The following SCN11A variants were observed in gnomAD, a reference collection of about 807,000 sequenced individuals.
SCN11A encodes the protein sodium voltage-gated channel alpha subunit 11, also known as sodium channel protein type 11 subunit alpha.
A neutral mutation model predicts 162.2 loss-of-function variants in SCN11A; 122 were observed. That is an observed-to-expected ratio of 0.75 (90% CI 0.65 to 0.87). The LOEUF is 0.87. Among genes scored for constraint, SCN11A ranks in the 40% least tolerant of loss-of-function variants. SCN11A has a pLI of 0.00. For missense variants in SCN11A, 2,015 were observed against 2,181.6 expected, an observed-to-expected ratio of 0.92 and a Z score of 1.52; for synonymous variants, 758 against 751.5, an observed-to-expected ratio of 1.01 and a Z score of -0.14.
chr3:39,030,906 C>T (rs148901198), intron 2 of SCN11A, among the ~76,000 whole-genome samples: 50 of 152,246 alleles, frequency 3.3e-4, no homozygotes, highest in African/African-American at 1.2e-3. Context: ...GACTTTTCAT[C>T]AGTAGGGATT....
chr3:38,928,233 A>G (rs559621018), intron 7 of SCN11A, among the ~76,000 whole-genome samples: 10 of 152,222 alleles, frequency 6.6e-5, no homozygotes, highest in Non-Finnish European at 1.0e-4. Context: ...CATATACCTA[A>G]CAAGGGGTTA....
rs201887209 is a variant in SCN11A, at chr3:38,926,928, A to G, written c.492T>C (p.Cys164=). The change falls in exon 8 of 30, where the codon TGT becomes TGC. Residue 164 remains cysteine, a synonymous_variant. Coordinates refer to ENST00000302328, the MANE Select transcript of SCN11A (RefSeq NM_001349253.2). ...CAAAAATATAAATCCCAGTGAAGAC[A>G]CACCTAAAAAGCAAATCATTTACAA... ...SNSNNTDIAE[C]VFTGIYIFEA... 1.9e-6 allele frequency: 3 copies of G among 1,611,654 alleles called. No homozygotes were observed. Among genetic ancestry groups the G allele is most frequent in the East Asian group, 2.2e-5 (1 of 44,894 alleles).
At chr3:39,039,461 C>G (rs562168287) in intron 1 of SCN11A, among the ~76,000 whole-genome samples, 2 of 130,834 alleles carry the variant, frequency 1.5e-5, no homozygotes, top group South Asian at 4.4e-4. Flanking sequence ...TGAAGTACAT[C>G]CTGCCCCAGG....
At chr3:38,961,594 G>A (rs2066741299) in intron 2 of SCN11A, among the ~76,000 whole-genome samples, 1 of 152,228 alleles carries the variant, frequency 6.6e-6, no homozygotes, top group South Asian at 2.1e-4. Context: ...GAGGTACTTA[G>A]AGTTAATAAG....
chr3:38,882,433 G>A (rs2065324703), intron 22 of SCN11A, among the ~76,000 whole-genome samples: 1 of 152,144 alleles, frequency 6.6e-6, no homozygotes, highest in Non-Finnish European at 1.5e-5. Flanking sequence ...ACTTTGTTAT[G>A]TCAAACAGTA....
Position 38,950,275 on chromosome 3 carries a change from G to C in SCN11A, c.88C>G (p.Arg30Gly), listed in dbSNP as rs761199291. Residue 30 changes from arginine (R) to glycine (G), a missense_variant, in exon 5 of 30, where the codon CGG becomes GGG. By Grantham distance (125) the Arg-to-Gly change is moderately radical. Coordinates refer to ENST00000302328, the MANE Select transcript of SCN11A (RefSeq NM_001349253.2). ...TSDSLAAIEK[R>G]IAIQKEKKKS... ...TTTTTCTCCTTTTGGATGGCAATCC[G>C]CTTCTCAATTGCAGCCAGAGAGTCG... The C allele has an allele frequency of 1.9e-5, 31 of 1,613,958 alleles. No individual in the cohort carries two copies. Among genetic ancestry groups the C allele is most frequent in the Non-Finnish European group, 2.5e-5 (30 of 1,179,972 alleles).
At chr3:38,875,201 T>A (rs924053971) in intron 23 of SCN11A, among the ~76,000 whole-genome samples, 2 of 152,178 alleles carry the variant, frequency 1.3e-5, no homozygotes, top group African/African-American at 4.8e-5. Flanking sequence ...TAAACCACAT[T>A]TGTTGAGTGC....
intron 29 of SCN11A, among the ~76,000 whole-genome samples, chr3:38,847,985 G>A (rs1016003520): frequency 1.3e-5 from 2 of 152,138 alleles, no homozygotes; most frequent in African/African-American, 4.8e-5. Flanking sequence ...TTTAAATACA[G>A]CCCTACTACA....
intron 28 of SCN11A, among the ~76,000 whole-genome samples, chr3:38,859,733 G>C (rs887167645): frequency 6.6e-6 from 1 of 152,126 alleles, no homozygotes; most frequent in Middle Eastern, 3.2e-3. Flanking sequence ...CCTGGGCATA[G>C]GCTGAACTAA....
At chr3:39,027,016 A>G (rs2031605716) in intron 2 of SCN11A, among the ~76,000 whole-genome samples, 1 of 152,104 alleles carries the variant, frequency 6.6e-6, no homozygotes. Flanking sequence ...TAACTTTCCT[A>G]GACAACTTCT....
At chr3:38,854,045 GTAC>G (rs1236514485) in intron 28 of SCN11A, among the ~76,000 whole-genome samples, 1 of 151,962 alleles carries the variant, frequency 6.6e-6, no homozygotes, top group Non-Finnish European at 1.5e-5. Context: ...ATCTGTTATT[GTAC>G]AGCCCATGAG....
At chr3:38,945,570 G>A (rs2066504664) in intron 6 of SCN11A, 58 bp from the exon 7 acceptor site, 1 of 1,201,974 alleles carries the variant, frequency 8.3e-7, no homozygotes, top group Admixed American at 2.5e-5. Context: ...ATTAGCTACT[G>A]GGTAAGACTG....
At chr3:38,902,782 G>A (rs150237717) in intron 16 of SCN11A, among the ~76,000 whole-genome samples, 1 of 151,662 alleles carries the variant, frequency 6.6e-6, no homozygotes, top group African/African-American at 2.4e-5. Flanking sequence ...CTCCCAAAGT[G>A]TTGGGATTAC....
At chr3:38,910,323 G>T in intron 11 of SCN11A, 116 bp from the exon 12 acceptor site, 2 of 998,884 alleles carry the variant, frequency 2.0e-6, no homozygotes, top group Non-Finnish European at 1.5e-6. Flanking sequence ...AGCCCTAGAG[G>T]AAGGGAGTAT....
Position 38,846,339 on chromosome 3 carries a change from C to G in SCN11A, c.*355G>C, listed in dbSNP as rs1169915934. 4.8e-6 allele frequency: 1 copy of G among 209,454 alleles called. No individual in the cohort carries two copies. The highest frequency in any genetic ancestry group is 2.3e-5 in the African/African-American group (1 of 43,974). 13.0% of individuals were successfully genotyped at this position (209,454 alleles called of 1,614,324 possible). ...ATGTTGGCCAGGATGGTCTCGATCT[C>G]TTGACCTCGTGATCCACCTGCCTTG... On this transcript the variant is annotated 3_prime_UTR_variant, in exon 30 of 30. Transcript: ENST00000302328.
rs544615029 is a variant in SCN11A, at chr3:39,042,949, C to G, written c.-404+8912G>C. Among the ~76,000 whole-genome samples the G allele has an allele frequency of 2.3e-3, 224 of 99,240 alleles. 2 individuals carry two copies. The highest frequency in any genetic ancestry group is 0.011 in the African/African-American group (201 of 18,744). 65.1% of individuals were successfully genotyped at this position (99,240 alleles called of 152,430 possible). On this transcript the variant is annotated intron_variant, in intron 1 of 29. Coordinates refer to ENST00000302328, the MANE Select transcript of SCN11A (RefSeq NM_001349253.2). ...TCTAGCCTGGGCAACAAGAGCGAAA[C>G]TCCATCTCAAAAAAAAAAAAAAAAA...
intron 2 of SCN11A, among the ~76,000 whole-genome samples, chr3:38,984,388 C>T (rs893046177): frequency 1.3e-5 from 2 of 152,178 alleles, no homozygotes; most frequent in South Asian, 2.1e-4. Flanking sequence ...CTGTTGTTTG[C>T]AACCCAAGAA....
chr3:38,967,419 G>A (rs1342585177), intron 2 of SCN11A, among the ~76,000 whole-genome samples: 2 of 152,198 alleles, frequency 1.3e-5, no homozygotes, highest in African/African-American at 2.4e-5. Flanking sequence ...TTCCACGTGG[G>A]GAGCATCTGA....
intron 28 of SCN11A, among the ~76,000 whole-genome samples, chr3:38,853,668 G>C (rs2064820493): frequency 6.6e-6 from 1 of 152,144 alleles, no homozygotes; most frequent in African/African-American, 2.4e-5. Context: ...GAGAATAGCA[G>C]TAAGTAGACT....
Sources: gnomAD v4.1 joint callset for allele counts (sites outside exome capture counted in the v4.1 genomes callset) on GRCh38, gnomAD v4.1.1 for gene constraint, MANE v1.5 for transcripts, NCBI Gene and HGNC (gene_info 2026-07-23, HGNC 2026-07-21) for gene names.